The following MYO3A variants were observed in gnomAD, a reference collection of about 807,000 sequenced individuals.
MYO3A encodes the protein myosin-IIIa.
A neutral mutation model predicts 192.7 loss-of-function variants in MYO3A; 180 were observed. The observed-to-expected ratio is 0.93, with a 90% confidence interval of 0.83 to 1.06. MYO3A has a LOEUF of 1.06. Among genes scored for constraint, MYO3A ranks in the 50% least tolerant of loss-of-function variants. The pLI is 0.00. For synonymous variants in MYO3A, 628 were observed against 645.3 expected (o/e 0.97, Z 0.41); for missense variants, 1,896 against 1,905.0 (o/e 1.00, Z 0.09).
intron 4 of MYO3A, among the ~76,000 whole-genome samples, chr10:25,992,108 A>G (rs749900787): frequency 3.3e-5 from 5 of 150,676 alleles, no homozygotes; most frequent in African/African-American, 7.5e-5. Context: ...CTTGGGCAGT[A>G]TGGCCATTTT....
rs564171826 is a variant in MYO3A at position 26,051,527 on chromosome 10, T to C, written c.954-15448T>C. ...CACTCTCCCAGTCATAAAGTATGCA[T>C]TGATCTTTAATACATATATATATTA... On this transcript the variant is annotated intron_variant, in intron 10 of 34. Coordinates refer to ENST00000642920, the MANE Select transcript of MYO3A (RefSeq NM_017433.5). Among the ~76,000 whole-genome samples the C allele has an allele frequency of 3.5e-3, 498 of 142,622 alleles. 4 individuals carry two copies. Among genetic ancestry groups the C allele is most frequent in the South Asian group, 7.4e-3 (35 of 4,704 alleles). 93.6% of individuals were successfully genotyped at this position (142,622 alleles called of 152,430 possible).
intron 4 of MYO3A, among the ~76,000 whole-genome samples, chr10:25,975,025 G>A (rs1401949402): frequency 6.6e-6 from 1 of 152,192 alleles, no homozygotes; most frequent in African/African-American, 2.4e-5. Flanking sequence ...GAAGCCAAAA[G>A]CAGGCACTTT....
chr10:26,047,774 C>CAAAAAAAAAAAAAAAAAAA lies in MYO3A; in HGVS notation c.954-19199_954-19198insAAAAAAAAAAAAAAAAAAA, dbSNP rs1423133061. On this transcript the variant is annotated intron_variant, in intron 10 of 34. Transcript: ENST00000642920. ...TGGGTGACAGAGCCAGACTCCATCT[C>CAAAAAAAAAAAAAAAAAAA]AATAAAAAAATTAAAAAAGAAAGAA... Among the ~76,000 whole-genome samples the CAAAAAAAAAAAAAAAAAAA allele has an allele frequency of 1.3e-5, 2 of 151,152 alleles. 1 individual carries two copies. Among genetic ancestry groups the CAAAAAAAAAAAAAAAAAAA allele is most frequent in the African/African-American group, 4.9e-5 (2 of 40,696 alleles).
At chr10:25,970,449 GA>G (rs1391578485) in intron 4 of MYO3A, among the ~76,000 whole-genome samples, 3 of 152,012 alleles carry the variant, frequency 2.0e-5, no homozygotes, top group African/African-American at 7.2e-5. Flanking sequence ...GCAGTGCCTA[GA>G]AGGGCATTTG....
intron 31 of MYO3A, among the ~76,000 whole-genome samples, chr10:26,179,038 T>C (rs1374805655): frequency 6.8e-6 from 1 of 147,588 alleles, no homozygotes; most frequent in Non-Finnish European, 1.5e-5. Flanking sequence ...GACCCTGTGA[T>C]CCGCCCGCCT....
chr10:26,075,992 T>C (rs940378922), intron 14 of MYO3A, among the ~76,000 whole-genome samples: 1 of 151,744 alleles, frequency 6.6e-6, no homozygotes, highest in African/African-American at 2.4e-5. Context: ...TAATGACTTA[T>C]TTTCTTCTGG....
At chr10:26,034,647 A>G (rs55852999) in intron 10 of MYO3A, among the ~76,000 whole-genome samples, 25,295 of 152,114 alleles carry the variant, frequency 0.17, 2,375 homozygotes, top group Non-Finnish European at 0.21. Flanking sequence ...CTATGACCAG[A>G]TCTAGTCGCT....
At chr10:26,136,213 A>T (rs544501168) in intron 20 of MYO3A, among the ~76,000 whole-genome samples, 1 of 152,164 alleles carries the variant, frequency 6.6e-6, no homozygotes, top group African/African-American at 2.4e-5. Flanking sequence ...GTAGGACCAT[A>T]AAAAAGTGGA....
At chr10:26,074,559 A>T (rs1208200246) in intron 14 of MYO3A, among the ~76,000 whole-genome samples, 1 of 124,528 alleles carries the variant, frequency 8.0e-6, no homozygotes, top group African/African-American at 2.7e-5. Flanking sequence ...AGTTTTATAT[A>T]CTTCATTTTT....
chr10:26,048,971 T>G (rs11818587), intron 10 of MYO3A, among the ~76,000 whole-genome samples: 24,763 of 152,046 alleles, frequency 0.16, 2,314 homozygotes, highest in Non-Finnish European at 0.21. Flanking sequence ...CAATAGGAGA[T>G]TAAGGGAGTG....
intron 4 of MYO3A, among the ~76,000 whole-genome samples, chr10:25,983,623 C>G (rs777270131): frequency 1.6e-4 from 24 of 152,058 alleles, no homozygotes; most frequent in Non-Finnish European, 2.5e-4. Context: ...AATATCCAAA[C>G]CTAAGAATAA....
chr10:26,079,370 CTTTAAG>C (rs1437326026), intron 14 of MYO3A, among the ~76,000 whole-genome samples: 7 of 152,228 alleles, frequency 4.6e-5, no homozygotes, highest in Admixed American at 3.3e-4. Context: ...CACCCCTTTA[CTTTAAG>C]TTTATGTGAG....
intron 22 of MYO3A, among the ~76,000 whole-genome samples, chr10:26,147,013 A>G (rs1243215375): frequency 1.3e-5 from 2 of 152,226 alleles, no homozygotes; most frequent in Non-Finnish European, 2.9e-5. Context: ...CAGTGTTTTT[A>G]AATCACACTA....
intron 4 of MYO3A, among the ~76,000 whole-genome samples, chr10:25,987,182 T>G (rs2130832316): frequency 6.6e-6 from 1 of 152,258 alleles, no homozygotes; most frequent in Non-Finnish European, 1.5e-5. Flanking sequence ...AACTGGATTC[T>G]CATCTCTTAC....
chr10:26,120,374 G>A (rs1368661368), intron 17 of MYO3A, among the ~76,000 whole-genome samples: 1 of 152,160 alleles, frequency 6.6e-6, no homozygotes, highest in East Asian at 1.9e-4. Flanking sequence ...ATGGCCTAAT[G>A]AATGAGGCAT....
intron 4 of MYO3A, among the ~76,000 whole-genome samples, chr10:25,995,128 C>T (rs1405411758): frequency 2.0e-5 from 3 of 152,200 alleles, no homozygotes; most frequent in Non-Finnish European, 4.4e-5. Flanking sequence ...TCCATTGTCC[C>T]TGCCACTTTC....
At chr10:26,085,807 G>A (rs535957748) in intron 14 of MYO3A, among the ~76,000 whole-genome samples, 1 of 152,290 alleles carries the variant, frequency 6.6e-6, no homozygotes, top group South Asian at 2.1e-4. Flanking sequence ...AGGTTGCTGG[G>A]GTATCTTGCT....
intron 18 of MYO3A, among the ~76,000 whole-genome samples, chr10:26,121,654 G>A (rs1838865802): frequency 6.6e-6 from 1 of 152,162 alleles, no homozygotes; most frequent in Non-Finnish European, 1.5e-5. Flanking sequence ...AGGAGGCTGA[G>A]GCAGGAGAAT....
At chr10:25,945,993 C>T (rs940025506) in intron 2 of MYO3A, among the ~76,000 whole-genome samples, 3 of 152,142 alleles carry the variant, frequency 2.0e-5, no homozygotes, top group African/African-American at 7.2e-5. Flanking sequence ...TACTGCTTTA[C>T]AGCCCTGCCC....
Sources: gnomAD v4.1 joint callset for allele counts (sites outside exome capture counted in the v4.1 genomes callset) on GRCh38, gnomAD v4.1.1 for gene constraint, MANE v1.5 for transcripts, NCBI Gene and HGNC (gene_info 2026-07-23, HGNC 2026-07-21) for gene names.